The following MYRIP variants were observed in gnomAD, a reference collection of about 807,000 sequenced individuals.
The protein encoded by MYRIP is rab effector MyRIP.
In MYRIP, 49 loss-of-function variants were observed where a neutral mutation model predicts 98.0. The ratio of observed to expected loss-of-function variants is 0.50; its 90% CI spans 0.40 to 0.63. MYRIP has a LOEUF of 0.63. Among genes scored for constraint, MYRIP ranks in the 30% least tolerant of loss-of-function variants. The pLI, the probability that MYRIP is intolerant of heterozygous loss-of-function variation, is 0.00. For synonymous variants in MYRIP, 404 were observed against 409.5 expected, an observed-to-expected ratio of 0.99 and a Z score of 0.16; for missense variants, 1,004 against 1,058.2, an observed-to-expected ratio of 0.95 and a Z score of 0.71.
chr3:39,907,493 C>T (rs1156740283), intron 2 of MYRIP, among the ~76,000 whole-genome samples: 1 of 152,108 alleles, frequency 6.6e-6, no homozygotes, highest in African/African-American at 2.4e-5. Context: ...TCTCCCCTCG[C>T]CTTCTGTGGT....
intron 11 of MYRIP, among the ~76,000 whole-genome samples, chr3:40,225,213 T>A (rs1049633140): frequency 6.6e-6 from 1 of 151,868 alleles, no homozygotes; most frequent in African/African-American, 2.4e-5. Flanking sequence ...TTGGAACAGG[T>A]TTTCTTATAG....
At chr3:40,257,147 G>C (rs997213441) in intron 16 of MYRIP, among the ~76,000 whole-genome samples, 26 of 152,180 alleles carry the variant, frequency 1.7e-4, no homozygotes, top group African/African-American at 6.3e-4. Context: ...GCAACATAGT[G>C]AGACCTGTCT....
rs531010449 is a variant in MYRIP, at chr3:39,886,640, T to G, written c.-30-14147T>G. Among the ~76,000 whole-genome samples, 284 of 152,092 alleles carry G rather than the reference T, an allele frequency of 1.9e-3. 1 individual carries two copies. The highest frequency in any genetic ancestry group is 6.3e-3 in the African/African-American group (262 of 41,374). On this transcript the variant is annotated intron_variant, in intron 1 of 16. Transcript: ENST00000302541. ...GATCAATTCAACAAGAAGAGCTAAC[T>G]ATCCTAAATATATATGCACCCAATA...
At chr3:39,897,206 C>T (rs186510854) in intron 1 of MYRIP, among the ~76,000 whole-genome samples, 55 of 152,296 alleles carry the variant, frequency 3.6e-4, no homozygotes, top group Non-Finnish European at 7.2e-4. Flanking sequence ...TTTCTGCAGA[C>T]ATATATGTTT....
chr3:40,193,265 GGA>G (rs1205332140), intron 10 of MYRIP, among the ~76,000 whole-genome samples: 1 of 152,102 alleles, frequency 6.6e-6, no homozygotes, highest in Non-Finnish European at 1.5e-5. Context: ...CATTGTCTGT[GGA>G]GAATGTTAAA....
chr3:40,106,391 T>C (rs1487639280), intron 3 of MYRIP, among the ~76,000 whole-genome samples: 1 of 152,176 alleles, frequency 6.6e-6, no homozygotes, highest in African/African-American at 2.4e-5. Context: ...TTTTTATGTT[T>C]GTGTGTTTGT....
chr3:40,062,458 C>T (rs1948038530), intron 3 of MYRIP, among the ~76,000 whole-genome samples: 1 of 151,980 alleles, frequency 6.6e-6, no homozygotes, highest in African/African-American at 2.4e-5. Flanking sequence ...ATGAGAAAGA[C>T]AACATTAAAA....
At chr3:39,844,571 A>G (rs1941904490) in intron 1 of MYRIP, among the ~76,000 whole-genome samples, 1 of 152,176 alleles carries the variant, frequency 6.6e-6, no homozygotes, top group African/African-American at 2.4e-5. Flanking sequence ...CTTGGGCCTG[A>G]TTGCTTATAT....
chr3:40,023,816 G>A (rs1947059945), intron 2 of MYRIP, among the ~76,000 whole-genome samples: 1 of 152,090 alleles, frequency 6.6e-6, no homozygotes, highest in Non-Finnish European at 1.5e-5. Context: ...AGGAACTAAG[G>A]CAACTGTTTT....
At chr3:39,945,845 T>A (rs1306359249) in intron 2 of MYRIP, among the ~76,000 whole-genome samples, 1 of 152,100 alleles carries the variant, frequency 6.6e-6, no homozygotes, top group African/African-American at 2.4e-5. Flanking sequence ...TAAAAGAAAT[T>A]ATAAAAAGTA....
chr3:39,916,166 T>C (rs561361410), intron 2 of MYRIP, among the ~76,000 whole-genome samples: 2 of 152,034 alleles, frequency 1.3e-5, no homozygotes, highest in South Asian at 4.1e-4. Context: ...AAAGATAATA[T>C]ATATCACTCA....
rs140701951 is a variant in MYRIP at position 40,062,752 on chromosome 3, T to C, written c.332+18481T>C. ...GTAAATATAATTGCCTGTTCATTTG[T>C]TGACTTGGCCTTGTGTGAAAAATAT... On this transcript the variant is annotated intron_variant, in intron 3 of 16. Transcript: ENST00000302541. Among the ~76,000 whole-genome samples, 72 of 152,372 alleles carry C rather than the reference T, an allele frequency of 4.7e-4. 2 individuals carry two copies. Among genetic ancestry groups the C allele is most frequent in the African/African-American group, 1.7e-3 (71 of 41,594 alleles).
chr3:40,055,920 A>G (rs9870050), intron 3 of MYRIP, among the ~76,000 whole-genome samples: 44,095 of 151,934 alleles, frequency 0.29, 6,431 homozygotes, highest in East Asian at 0.35. Context: ...AATTAATCGA[A>G]AATGACTAAA....
chr3:39,886,096 T>G (rs1173312727), intron 1 of MYRIP, among the ~76,000 whole-genome samples: 1 of 151,876 alleles, frequency 6.6e-6, no homozygotes, highest in African/African-American at 2.4e-5. Flanking sequence ...CTAAGCTTCA[T>G]AAGTGAAGGA....
At chr3:39,971,849 T>C (rs4368435) in intron 2 of MYRIP, among the ~76,000 whole-genome samples, 73,796 of 151,888 alleles carry the variant, frequency 0.49, 19,127 homozygotes, top group African/African-American at 0.69. Flanking sequence ...GGAGGTTTTG[T>C]TACAGTTTAT....
At chr3:39,828,356 T>G (rs989828995) in intron 1 of MYRIP, among the ~76,000 whole-genome samples, 1 of 152,066 alleles carries the variant, frequency 6.6e-6, no homozygotes, top group African/African-American at 2.4e-5. Context: ...AATTATTTCT[T>G]TTGTCCTGTG....
chr3:39,955,464 G>A (rs1419787723), intron 2 of MYRIP, among the ~76,000 whole-genome samples: 1 of 152,100 alleles, frequency 6.6e-6, no homozygotes, highest in Non-Finnish European at 1.5e-5. Context: ...ATCCTTTACA[G>A]ACAAGCAAAT....
intron 2 of MYRIP, among the ~76,000 whole-genome samples, chr3:39,961,013 C>T (rs1033792159): frequency 1.3e-5 from 2 of 152,162 alleles, no homozygotes; most frequent in African/African-American, 4.8e-5. Context: ...ATCTCTCAAC[C>T]ACAGCAGTTT....
At chr3:40,257,333 G>GAA (rs1242991363) in intron 16 of MYRIP, among the ~76,000 whole-genome samples, 4 of 152,028 alleles carry the variant, frequency 2.6e-5, no homozygotes, top group Non-Finnish European at 5.9e-5. Context: ...AAGAATGAAT[G>GAA]AAAAAATAAC....
Sources: allele counts gnomAD v4.1 joint callset (sites outside exome capture counted in the v4.1 genomes callset), GRCh38; gene constraint gnomAD v4.1.1; transcripts MANE v1.5; gene names NCBI Gene and HGNC (gene_info 2026-07-23, HGNC 2026-07-21).